The following GANC variants were observed in gnomAD, a reference collection of about 807,000 sequenced individuals.
GANC encodes the protein glucosidase alpha, neutral C.
Under a neutral mutation model 124.2 loss-of-function variants are expected in GANC, and 117 were observed. That is an observed-to-expected ratio of 0.94 (90% confidence interval 0.81 to 1.10). The LOEUF is 1.10. Among genes scored for constraint, GANC ranks in the 50% least tolerant of loss-of-function variants. The pLI is 0.00. For missense variants in GANC, 1,140 were observed against 1,095.0 expected (o/e 1.04, Z -0.58); for synonymous variants, 377 against 376.8 (o/e 1.00, Z -0.01).
chr15:42,347,919 G>C (rs79496968), intron 20 of GANC, among the ~76,000 whole-genome samples, 184 bp from the exon 21 acceptor site: 8 of 152,070 alleles, frequency 5.3e-5, no homozygotes, highest in Non-Finnish European at 1.2e-4. Flanking sequence ...ATTCTTCAGC[G>C]TTAGAGCTCT....
chr15:42,333,100 G>A (rs894376298), intron 15 of GANC, among the ~76,000 whole-genome samples: 5 of 151,074 alleles, frequency 3.3e-5, no homozygotes, highest in African/African-American at 1.2e-4. Context: ...GAGGCAGGTG[G>A]GCAGATCACT....
intron 4 of GANC, among the ~76,000 whole-genome samples, chr15:42,292,173 T>C (rs114731607): frequency 0.011 from 1,621 of 152,206 alleles, 26 homozygotes; most frequent in African/African-American, 0.036. Context: ...AGGCAATAAA[T>C]AGGTAAATAA....
At position 42,352,393 on chromosome 15, in the gene GANC, T is replaced by C. The variant is rs372595528; in HGVS notation, c.*254T>C. 7.1e-5 allele frequency: 89 copies of C among 1,258,118 alleles called. No homozygotes were observed. Among genetic ancestry groups the C allele is most frequent in the East Asian group, 5.6e-4 (14 of 25,168 alleles). 77.9% of individuals were successfully genotyped at this position (1,258,118 alleles called of 1,614,324 possible). ...CCCTGATACATAGCCCTGAGACATT[T>C]ATAGCGTTCAGGAGTCTTCTATTGC... On this transcript the variant is annotated 3_prime_UTR_variant, in exon 24 of 24. Coordinates refer to ENST00000318010, the MANE Select transcript of GANC (RefSeq NM_198141.3).
intron 10 of GANC, 38 bp from the exon 11 acceptor site, chr15:42,321,747 C>T (rs1237471529): frequency 1.3e-6 from 2 of 1,528,688 alleles, no homozygotes; most frequent in Non-Finnish European, 1.8e-6. Flanking sequence ...ATGGTCATTG[C>T]CATGGCAGTT....
chr15:42,314,074 T>C (rs748168195), intron 10 of GANC: 1 of 714,310 alleles, frequency 1.4e-6, no homozygotes, highest in Non-Finnish European at 2.6e-6. Flanking sequence ...CCTACCTCTT[T>C]TACAGACATT....
At chr15:42,294,135 CCTAT>C (rs1341748403) in intron 5 of GANC, among the ~76,000 whole-genome samples, 10 of 151,596 alleles carry the variant, frequency 6.6e-5, no homozygotes, top group African/African-American at 1.7e-4. Flanking sequence ...TGTTTTCTTT[CCTAT>C]CTAAGTTGAT....
Position 42,284,713 on chromosome 15 carries a change from C to T in GANC, c.202-2978C>T, listed in dbSNP as rs1005746313. Among the ~76,000 whole-genome samples the T allele has an allele frequency of 2.0e-5, 3 of 152,306 alleles. No homozygotes were observed. In the South Asian group the frequency reaches 6.2e-4, roughly 32 times the overall value. On this transcript the variant is annotated intron_variant, in intron 3 of 23. Coordinates refer to ENST00000318010, the MANE Select transcript of GANC (RefSeq NM_198141.3). ...TGGTTACTCACAGGTGCAGTCATGG[C>T]ACACTGTAACCTCAAACTACTAGGC... is the stretch of plus-strand genomic sequence containing the variant.
At position 42,278,511 on chromosome 15, in the gene GANC, C is replaced by T. The variant is rs751102995; in HGVS notation, c.122C>T (p.Ser41Phe). 7.4e-6 allele frequency: 12 copies of T among 1,611,300 alleles called. No individual in the cohort carries two copies. The highest frequency in any genetic ancestry group is 1.0e-5 in the Non-Finnish European group (12 of 1,178,772). ...RRQKQWLSKK[S>F]TYQALLDSVT... ...CAGAAACAGTGGCTTTCCAAGAAGT[C>T]CACCTATCAGGCATTATTGGATTCA... Residue 41 changes from serine to phenylalanine, a missense_variant, in exon 3 of 24, where the codon TCC (serine) becomes TTC (phenylalanine). Ser to Phe is a radical substitution (Grantham distance 155, BLOSUM62 -2). Transcript: ENST00000318010.
intron 15 of GANC, among the ~76,000 whole-genome samples, chr15:42,332,470 G>C (rs542144237): frequency 1.7e-4 from 26 of 152,242 alleles, no homozygotes; most frequent in African/African-American, 5.8e-4. Context: ...TATCAGCTTT[G>C]CTTCACTGTG....
In GANC at chr15:42,310,269, T is replaced by C. The variant is rs2052037481; in HGVS notation, c.723-14T>C. On this transcript the variant is annotated splice_polypyrimidine_tract_variant and intron_variant, in intron 8 of 23. Transcript: ENST00000318010. ...TATTTGTGATGGTAATTGATGATAA[T>C]CTTTGTGTTTCAGTGATGGAGATGC... 1 of 1,560,640 alleles carries C rather than the reference T, an allele frequency of 6.4e-7. No individual in the cohort carries two copies. Among genetic ancestry groups the C allele is most frequent in the African/African-American group, 1.4e-5 (1 of 73,428 alleles).
At chr15:42,349,652 C>CT (rs377266617) in intron 22 of GANC, among the ~76,000 whole-genome samples, 157 bp downstream of exon 22, 3 of 151,094 alleles carry the variant, frequency 2.0e-5, no homozygotes, top group South Asian at 2.1e-4. Flanking sequence ...CTTTTCTTTT[C>CT]TTTTTTTTTG....
intron 15 of GANC, among the ~76,000 whole-genome samples, chr15:42,331,884 A>T (rs1417422292): frequency 2.0e-5 from 3 of 152,034 alleles, no homozygotes; most frequent in Non-Finnish European, 4.4e-5. Flanking sequence ...TATGATAAAT[A>T]AAAAAAGGAA....
chr15:42,345,396 T>G lies in GANC; in HGVS notation c.2230-362T>G, dbSNP rs550408244. On this transcript the variant is annotated intron_variant, in intron 19 of 23. Transcript: ENST00000318010. ...ATCACCTCTTTCACTACTAGAAGCA[T>G]TAAGTTTTTATAAGCCAAATGGACT... 2.0e-5 allele frequency among the ~76,000 whole-genome samples: 3 copies of G among 152,222 alleles called. No homozygotes were observed. In the East Asian group the frequency reaches 5.8e-4, roughly 29 times the overall value.
chr15:42,329,777 A>G (rs2052227857), intron 14 of GANC, among the ~76,000 whole-genome samples: 1 of 152,240 alleles, frequency 6.6e-6, no homozygotes, highest in Non-Finnish European at 1.5e-5. Flanking sequence ...CAGTATATAA[A>G]TATGTGAATG....
At chr15:42,314,410 T>G (rs2052085024) in intron 10 of GANC, 1 of 406,896 alleles carries the variant, frequency 2.5e-6, no homozygotes, top group Non-Finnish European at 4.5e-6. Flanking sequence ...TGAATCCAGC[T>G]TTGTGCGTAT....
In GANC at chr15:42,345,772, T is replaced by C; in HGVS notation, c.2244T>C (p.Tyr748=). The C allele has an allele frequency of 1.9e-6, 3 of 1,611,154 alleles. No individual in the cohort carries two copies. The highest frequency in any genetic ancestry group is 2.5e-6 in the Non-Finnish European group (3 of 1,177,380). The change falls in exon 20 of 24, where the codon TAT becomes TAC. Residue 748 remains tyrosine (Y), a synonymous_variant. Coordinates refer to ENST00000318010, the MANE Select transcript of GANC (RefSeq NM_198141.3). ...TTACTTTCTAGGTCTGGTATGACTA[T>C]AAGACATTTGCTCATTGGGAAGGAG... ...LPGSNEVWYD[Y]KTFAHWEGGC...
chr15:42,329,918 C>G (rs1340201182), intron 14 of GANC, among the ~76,000 whole-genome samples: 1 of 152,146 alleles, frequency 6.6e-6, no homozygotes. Flanking sequence ...AAATGTAAAG[C>G]CTTCCTTAAG....
At position 42,276,411 on chromosome 15, in the gene GANC, G is replaced by T. The variant is rs1405610300; in HGVS notation, c.92+1G>T. On this transcript the variant is annotated splice_donor_variant, in intron 2 of 23. Coordinates refer to ENST00000318010, the MANE Select transcript of GANC (RefSeq NM_198141.3). LOFTEE classifies it high-confidence loss of function. ...ACTGTAACAAGATCGCATTTTACAG[G>T]TAAGGAAAATAAATATAGTAGCTAG... The T allele has an allele frequency of 7.2e-7, 1 of 1,387,910 alleles. No homozygotes were observed. The highest frequency in any genetic ancestry group is 1.0e-6 in the Non-Finnish European group (1 of 977,434). The allele number at this position is 1,387,910 out of a possible 1,614,324, so 86.0% of individuals were successfully genotyped here.
intron 13 of GANC, among the ~76,000 whole-genome samples, chr15:42,328,116 T>G (rs1324001184): frequency 6.6e-6 from 1 of 152,180 alleles, no homozygotes; most frequent in Non-Finnish European, 1.5e-5. Flanking sequence ...AGGTCATGCA[T>G]CTAGTAAGTG....
Sources: gnomAD v4.1 joint callset for allele counts (sites outside exome capture counted in the v4.1 genomes callset) on GRCh38, gnomAD v4.1.1 for gene constraint, MANE v1.5 for transcripts, NCBI Gene and HGNC (gene_info 2026-07-23, HGNC 2026-07-21) for gene names.